The following OMD variants were observed in gnomAD, a reference collection of about 807,000 sequenced individuals.
OMD encodes the protein KSPG osteomodulin.
Under a neutral mutation model 31.2 loss-of-function variants are expected in OMD, and 19 were observed. The ratio of observed to expected loss-of-function variants is 0.61; its 90% confidence interval spans 0.42 to 0.89. OMD has a LOEUF of 0.89. Among genes scored for constraint, OMD ranks in the 40% least tolerant of loss-of-function variants. The probability of loss-of-function intolerance (pLI) is 0.00; values close to 1 mark genes in which losing one functional copy is unlikely to be tolerated. For synonymous variants in OMD, 155 were observed against 166.4 expected (o/e 0.93, Z 0.53); for missense variants, 448 against 490.8 (o/e 0.91, Z 0.82).
Position 92,414,874 on chromosome 9 carries a change from A to T in OMD, c.*278T>A, listed in dbSNP as rs995945216. The stretch of plus-strand genomic sequence containing the variant: ...TGATACACTCACTTTCTTTAACATG[A>T]TATTTCTATATTTAAAAAGAGCATA... On this transcript the variant is annotated 3_prime_UTR_variant, in exon 3 of 3. Transcript: ENST00000375550. 3.6e-6 allele frequency: 1 copy of T among 275,504 alleles called. No individual in the cohort carries two copies. Among genetic ancestry groups the T allele is most frequent in the African/African-American group, 2.2e-5 (1 of 46,032 alleles). The allele number at this position is 275,504 out of a possible 1,614,324, so 17.1% of individuals were successfully genotyped here.
chr9:92,421,022 A>G (rs1843775978), intron 1 of OMD, among the ~76,000 whole-genome samples: 1 of 152,150 alleles, frequency 6.6e-6, no homozygotes, highest in African/African-American at 2.4e-5. Flanking sequence ...AAATAAGACT[A>G]TTAAATCCAG....
At chr9:92,416,095 TTTA>T (rs745312254) in intron 2 of OMD, among the ~76,000 whole-genome samples, 29 of 138,340 alleles carry the variant, frequency 2.1e-4, no homozygotes, top group Non-Finnish European at 2.8e-4. Flanking sequence ...TATTTATTTA[TTTA>T]TTTTATTTTT....
chr9:92,423,477 T>G (rs1235182627), intron 1 of OMD, among the ~76,000 whole-genome samples: 3 of 152,158 alleles, frequency 2.0e-5, no homozygotes, highest in Admixed American at 2.0e-4. Context: ...TGTTTTTATT[T>G]GTATGACATA....
At chr9:92,418,168 C>A (rs554295116) in intron 1 of OMD, among the ~76,000 whole-genome samples, 1 of 151,492 alleles carries the variant, frequency 6.6e-6, no homozygotes, top group South Asian at 2.1e-4. Context: ...CTCACTGCAG[C>A]CTCCACCTCC....
chr9:92,416,795 T>A lies in OMD; in HGVS notation c.764A>T (p.Lys255Ile). Residue 255 changes from lysine to isoleucine, a missense_variant, in exon 2 of 3, where the codon AAA becomes ATA. By Grantham distance (102) the Lys-to-Ile change is moderately radical. Transcript: ENST00000375550. ...ISSIPEKYFD[K>I]LPKLHTLRMS... ...TCTTAGAGTATGAAGTTTTGGAAGT[T>A]TGTCGAAGTATTTTTCGGGTATAGA... 1 of 1,613,922 alleles carries A rather than the reference T, an allele frequency of 6.2e-7. No individual in the cohort carries two copies. The highest frequency in any genetic ancestry group is 8.5e-7 in the Non-Finnish European group (1 of 1,179,892).
chr9:92,417,593 G>T lies in OMD; in HGVS notation c.-16-19C>A. ...TTTTTTCCTATTGCAAGGAGAAAAG[G>T]AAACATTGTGGAGAAAGTGAGTAAA... On this transcript the variant is annotated intron_variant, in intron 1 of 2. Coordinates refer to ENST00000375550, the MANE Select transcript of OMD (RefSeq NM_005014.3). 1 of 1,328,876 alleles carries T rather than the reference G, an allele frequency of 7.5e-7. No individual in the cohort carries two copies. 82.3% of individuals were successfully genotyped at this position (1,328,876 alleles called of 1,614,324 possible).
Position 92,415,083 on chromosome 9 carries a change from T to C in OMD, c.*69A>G. 1 of 1,167,498 alleles carries C rather than the reference T, an allele frequency of 8.6e-7. No homozygotes were observed. Among genetic ancestry groups the C allele is most frequent in the South Asian group, 1.6e-5 (1 of 61,018 alleles). The allele number at this position is 1,167,498 out of a possible 1,614,324, so 72.3% of individuals were successfully genotyped here. On this transcript the variant is annotated 3_prime_UTR_variant, in exon 3 of 3. Coordinates refer to ENST00000375550, the MANE Select transcript of OMD (RefSeq NM_005014.3). ...AATATATTACTTTGAGTAATACATG[T>C]TTACTTAGATTTACTATATTAAGTA...
intron 1 of OMD, among the ~76,000 whole-genome samples, chr9:92,420,403 G>T (rs1424413426): frequency 6.6e-6 from 1 of 152,044 alleles, no homozygotes; most frequent in Non-Finnish European, 1.5e-5. Flanking sequence ...TCCAACTCTG[G>T]TTACTCCAAT....
rs1279517806 is a variant in OMD, at chr9:92,417,067, C to T, written c.492G>A (p.Leu164=). 16 of 1,613,950 alleles carry T rather than the reference C, an allele frequency of 9.9e-6. No individual in the cohort carries two copies. Among genetic ancestry groups the T allele is most frequent in the Admixed American group, 1.7e-5 (1 of 60,022 alleles). ...EEFPFPLPKS[L]ERLLLGYNEI... ...CATTGTAACCAAGAAGGAGTCTTTCCAGAGATTTAGGAAGAGGAAATGGAA... is the reference window on the plus strand; with the variant it reads ...CATTGTAACCAAGAAGGAGTCTTTCTAGAGATTTAGGAAGAGGAAATGGAA... Residue 164 remains leucine (L), a synonymous_variant, in exon 2 of 3, where the codon CTG becomes CTA. Coordinates refer to ENST00000375550, the MANE Select transcript of OMD (RefSeq NM_005014.3).
chr9:92,412,894 C>A lies in OMD; in HGVS notation c.*2258G>T, dbSNP rs1470730843. On this transcript the variant is annotated 3_prime_UTR_variant, in exon 3 of 3. Transcript: ENST00000375550. ...TAATGCTGCTGTGGACATTTATATG[C>A]AAATTTTGGTGTGAACATGTGTGTT... 4.8e-5 allele frequency among the ~76,000 whole-genome samples: 7 copies of A among 147,352 alleles called. No homozygotes were observed. The highest frequency in any genetic ancestry group is 4.1e-4 in the Admixed American group (6 of 14,684).
intron 1 of OMD, among the ~76,000 whole-genome samples, chr9:92,419,728 G>A (rs369916433): frequency 6.6e-6 from 1 of 152,138 alleles, no homozygotes; most frequent in South Asian, 2.1e-4. Context: ...TAGGAAAAAG[G>A]TTTTAAAAAA....
Position 92,417,386 on chromosome 9 carries a change from T to A in OMD, c.173A>T (p.Tyr58Phe). Residue 58 changes from tyrosine to phenylalanine, a missense_variant, in exon 2 of 3, where the codon TAT becomes TTT. Tyr to Phe is a conservative substitution (Grantham distance 22, BLOSUM62 3). Transcript: ENST00000375550. The part of the protein sequence containing the change: ...NVDYGVPFHQ[Y>F]TLGCVSECFC... ...GCATTCACTGACACAGCCTAAAGTA[T>A]ACTGATGAAAAGGAACTCCGTAGTC... 1 of 1,614,118 alleles carries A rather than the reference T, an allele frequency of 6.2e-7. No homozygotes were observed. The highest frequency in any genetic ancestry group is 1.7e-5 in the Admixed American group (1 of 60,022).
At chr9:92,418,539 A>G (rs972652405) in intron 1 of OMD, among the ~76,000 whole-genome samples, 1 of 152,116 alleles carries the variant, frequency 6.6e-6, no homozygotes, top group Non-Finnish European at 1.5e-5. Flanking sequence ...ACATCAGTCA[A>G]CTACAGTCTG....
Position 92,417,411 on chromosome 9 carries a change from C to T in OMD, c.148G>A (p.Asp50Asn), listed in dbSNP as rs769003837. 1 of 1,614,080 alleles carries T rather than the reference C, an allele frequency of 6.2e-7. No homozygotes were observed. The highest frequency in any genetic ancestry group is 2.2e-5 in the East Asian group (1 of 44,860). Residue 50 changes from aspartate (D) to asparagine (N), a missense_variant, in exon 2 of 3, where the codon GAC becomes AAC. Physicochemically the swap from Asp to Asn is conservative, Grantham distance 23. Coordinates refer to ENST00000375550, the MANE Select transcript of OMD (RefSeq NM_005014.3). ...QTGFPFRQNVDYGVPFHQYTL... is the reference protein window; with the variant it reads ...QTGFPFRQNVNYGVPFHQYTL... The stretch of plus-strand genomic sequence containing the variant: ...TACTGATGAAAAGGAACTCCGTAGT[C>T]TACATTTTGACGAAATGGGAATCCT...
In OMD at chr9:92,415,121, A is replaced by G; in HGVS notation, c.*31T>C. On this transcript the variant is annotated 3_prime_UTR_variant, in exon 3 of 3. Coordinates refer to ENST00000375550, the MANE Select transcript of OMD (RefSeq NM_005014.3). ...ACTATATTAAGTATAGGTTTTGTGA[A>G]GTCGTAAGTGTATACCTATATAGTT... 1 of 1,501,298 alleles carries G rather than the reference A, an allele frequency of 6.7e-7. No individual in the cohort carries two copies. Among genetic ancestry groups the G allele is most frequent in the Non-Finnish European group, 9.0e-7 (1 of 1,114,040 alleles). 93.0% of individuals were successfully genotyped at this position (1,501,298 alleles called of 1,614,324 possible).
At chr9:92,423,917 C>A (rs1843889353) in intron 1 of OMD, among the ~76,000 whole-genome samples, 1 of 151,988 alleles carries the variant, frequency 6.6e-6, no homozygotes, top group Admixed American at 6.6e-5. Flanking sequence ...AGATTGATTC[C>A]TTTAACCTGA....
chr9:92,415,692 T>A (rs1843571045), intron 2 of OMD, among the ~76,000 whole-genome samples: 1 of 150,122 alleles, frequency 6.7e-6, no homozygotes, highest in Non-Finnish European at 1.5e-5. Context: ...CTTCATTGGC[T>A]TTTCTGATTA....
intron 1 of OMD, among the ~76,000 whole-genome samples, chr9:92,419,008 T>G (rs1443829579): frequency 6.6e-6 from 1 of 152,292 alleles, no homozygotes; most frequent in East Asian, 1.9e-4. Context: ...CACACTGTCC[T>G]TGTCTCCCAG....
At chr9:92,416,016 A>G (rs1001223864) in intron 2 of OMD, among the ~76,000 whole-genome samples, 1 of 142,962 alleles carries the variant, frequency 7.0e-6, no homozygotes, top group African/African-American at 2.5e-5. Flanking sequence ...ATAAAAGAGA[A>G]TATATATTTT....
Sources: gnomAD v4.1 joint callset for allele counts (sites outside exome capture counted in the v4.1 genomes callset) on GRCh38, gnomAD v4.1.1 for gene constraint, MANE v1.5 for transcripts, NCBI Gene and HGNC (gene_info 2026-07-23, HGNC 2026-07-21) for gene names.